Variants in CYP20A1 observed in about 807,000 individuals in gnomAD.
CYP20A1 encodes the protein cytochrome P450 20A1.
Under a neutral mutation model 61.4 loss-of-function variants are expected in CYP20A1, and 61 were observed. The observed-to-expected ratio is 0.99, with a 90% CI of 0.81 to 1.23. The LOEUF (loss-of-function observed/expected upper bound fraction) is 1.23. Among genes scored for constraint, CYP20A1 ranks in the 50% most tolerant of loss-of-function variants. The pLI is 0.00. For missense variants in CYP20A1, 530 were observed against 542.4 expected, an observed-to-expected ratio of 0.98 and a Z score of 0.23; for synonymous variants, 193 against 188.2, an observed-to-expected ratio of 1.03 and a Z score of -0.21.
chr2:203,245,447 C>G (rs1319511550), intron 1 of CYP20A1, among the ~76,000 whole-genome samples: 3 of 151,104 alleles, frequency 2.0e-5, no homozygotes, highest in Non-Finnish European at 4.4e-5. Context: ...ATTATTTCAT[C>G]ACCCAGGTAA....
intron 3 of CYP20A1, among the ~76,000 whole-genome samples, chr2:203,250,278 G>A (rs1402225853): frequency 6.6e-6 from 1 of 152,180 alleles, no homozygotes; most frequent in Non-Finnish European, 1.5e-5. Context: ...TACTTATATA[G>A]CAATTATGAT....
chr2:203,270,940 G>A (rs1219293243), intron 5 of CYP20A1, among the ~76,000 whole-genome samples: 4 of 144,580 alleles, frequency 2.8e-5, no homozygotes, highest in Non-Finnish European at 4.5e-5. Flanking sequence ...CAATCTGCCC[G>A]CCTTGACCTC....
At chr2:203,259,218 T>C (rs2067034161) in intron 4 of CYP20A1, among the ~76,000 whole-genome samples, 1 of 152,162 alleles carries the variant, frequency 6.6e-6, no homozygotes. Flanking sequence ...TGTGAGAAAT[T>C]TACTTTAGTT....
Position 203,285,717 on chromosome 2 carries a change from A to G in CYP20A1, c.956A>G (p.Lys319Arg). ...VFGNGPVTPE[K>R]IEQLRYCQHV... ...GGAAATGGTCCTGTTACTCCAGAGA[A>G]AATTGAGCAGCTCAGGTAAGAACAC... The change falls in exon 9 of 13, where the codon AAA becomes AGA. Residue 319 changes from lysine to arginine, a missense_variant. Physicochemically the swap from Lys to Arg is conservative, Grantham distance 26 (BLOSUM62 2). Transcript: ENST00000356079. 1 of 1,594,482 alleles carries G rather than the reference A, an allele frequency of 6.3e-7. No individual in the cohort carries two copies. The highest frequency in any genetic ancestry group is 1.8e-5 in the Admixed American group (1 of 54,058).
chr2:203,285,568 T>C (rs1168200462), intron 8 of CYP20A1, 44 bp from the exon 9 acceptor site: 5 of 1,489,002 alleles, frequency 3.4e-6, no homozygotes, highest in East Asian at 4.8e-5. Flanking sequence ...ACCCAAGCCA[T>C]GAGTTAGCTA....
chr2:203,279,718 A>C (rs908668831), intron 7 of CYP20A1, among the ~76,000 whole-genome samples: 1 of 152,178 alleles, frequency 6.6e-6, no homozygotes, highest in East Asian at 1.9e-4. Context: ...AATAGGACCG[A>C]GTTTGTTTAC....
chr2:203,241,732 A>G (rs561401991), intron 1 of CYP20A1, among the ~76,000 whole-genome samples: 1 of 152,328 alleles, frequency 6.6e-6, no homozygotes. Context: ...TGGTACCATC[A>G]TAGCTCATTG....
chr2:203,295,206 A>G (rs1179872761), intron 11 of CYP20A1, among the ~76,000 whole-genome samples: 2 of 151,582 alleles, frequency 1.3e-5, no homozygotes, highest in East Asian at 1.9e-4. Flanking sequence ...CGGCCTCCCA[A>G]AGTGCTGGGA....
intron 3 of CYP20A1, 150 bp from the exon 4 acceptor site, chr2:203,251,817 A>ATATATGTGTATATATATATAT (rs34111991): frequency 2.1e-5 from 2 of 95,316 alleles, no homozygotes; most frequent in East Asian, 2.6e-4. Flanking sequence ...ATATATATAT[A>ATATATGTGTATATATATATAT]AAAAATAAAA....
At position 203,300,745 on chromosome 2, in the gene CYP20A1, C is replaced by T. The variant is rs996702046; in HGVS notation, c.*3837C>T. 3.3e-5 allele frequency among the ~76,000 whole-genome samples: 5 copies of T among 151,048 alleles called. No homozygotes were observed. Among genetic ancestry groups the T allele is most frequent in the Admixed American group, 6.6e-5 (1 of 15,088 alleles). ...TCTCTACCAAAAATACAAAATTAGC[C>T]GGGCATGATGGAGCATCCCTGTAAT... On this transcript the variant is annotated 3_prime_UTR_variant, in exon 13 of 13. Coordinates refer to ENST00000356079, the MANE Select transcript of CYP20A1 (RefSeq NM_177538.3).
chr2:203,251,730 T>C (rs1387052713), intron 3 of CYP20A1, among the ~76,000 whole-genome samples: 2 of 141,590 alleles, frequency 1.4e-5, no homozygotes, highest in African/African-American at 5.0e-5. Flanking sequence ...GATCATGACA[T>C]TGCACTCCAG....
intron 10 of CYP20A1, among the ~76,000 whole-genome samples, 179 bp downstream of exon 10, chr2:203,290,055 C>T (rs955376877): frequency 3.9e-5 from 6 of 152,036 alleles, no homozygotes; most frequent in African/African-American, 1.4e-4. Context: ...ATTCTCCTGT[C>T]TCAGCCTCCC....
chr2:203,263,056 G>A (rs974879469), intron 4 of CYP20A1, among the ~76,000 whole-genome samples: 8 of 147,938 alleles, frequency 5.4e-5, no homozygotes, highest in Non-Finnish European at 1.0e-4. Context: ...GTGCAGTGGC[G>A]CGGCTCACTG....
intron 8 of CYP20A1, among the ~76,000 whole-genome samples, chr2:203,284,973 T>C (rs1366751083): frequency 1.3e-5 from 2 of 151,968 alleles, no homozygotes; most frequent in Non-Finnish European, 2.9e-5. Context: ...CTTGAACTCC[T>C]GAGCCTACGC....
intron 3 of CYP20A1, among the ~76,000 whole-genome samples, chr2:203,251,050 C>G (rs1027596816): frequency 2.2e-5 from 2 of 92,292 alleles, no homozygotes; most frequent in Admixed American, 1.9e-4. Context: ...GGGGACAGAG[C>G]GAGATTCTGT....
intron 4 of CYP20A1, among the ~76,000 whole-genome samples, chr2:203,252,730 T>C (rs1223908881): frequency 6.6e-6 from 1 of 152,138 alleles, no homozygotes; most frequent in Non-Finnish European, 1.5e-5. Context: ...ACCTCTGAGC[T>C]GTAGGGCAGC....
chr2:203,245,111 C>G (rs940212151), intron 1 of CYP20A1, among the ~76,000 whole-genome samples: 29 of 149,304 alleles, frequency 1.9e-4, no homozygotes, highest in Admixed American at 8.1e-4. Flanking sequence ...CTCAGTGCAA[C>G]CTCTGCCTCC....
chr2:203,272,786 A>G, intron 6 of CYP20A1, 38 bp downstream of exon 6: 1 of 1,232,224 alleles, frequency 8.1e-7, no homozygotes, highest in African/African-American at 1.5e-5. Context: ...AGGACAAAAA[A>G]TAAATGTGCC....
Position 203,285,605 on chromosome 2 carries a change from G to T in CYP20A1, c.851-7G>T. 6.4e-7 allele frequency: 1 copy of T among 1,566,068 alleles called. No homozygotes were observed. The highest frequency in any genetic ancestry group is 1.2e-5 in the South Asian group (1 of 81,230). On this transcript the variant is annotated splice_polypyrimidine_tract_variant and splice_region_variant and intron_variant, in intron 8 of 12. Coordinates refer to ENST00000356079, the MANE Select transcript of CYP20A1 (RefSeq NM_177538.3). ...TTTCATTGTTATTCATATAATGTTTGACCTAGTGTGTACCTGGGCAATCTG... is the reference window on the plus strand; with the variant it reads ...TTTCATTGTTATTCATATAATGTTTTACCTAGTGTGTACCTGGGCAATCTG...
Sources: gnomAD v4.1 joint callset for allele counts (sites outside exome capture counted in the v4.1 genomes callset) on GRCh38, gnomAD v4.1.1 for gene constraint, MANE v1.5 for transcripts, NCBI Gene and HGNC (gene_info 2026-07-23, HGNC 2026-07-21) for gene names.